The following NCOA1 variants were observed in gnomAD, a reference collection of about 807,000 sequenced individuals.
NCOA1 encodes the protein nuclear receptor coactivator 1.
A neutral mutation model predicts 150.9 loss-of-function variants in NCOA1; 35 were observed. The ratio of observed to expected loss-of-function variants is 0.23; its 90% CI spans 0.18 to 0.31. NCOA1 has a LOEUF of 0.31. NCOA1 is among the 10% of genes least tolerant of loss of function. The pLI, the probability that NCOA1 is intolerant of heterozygous loss-of-function variation, is 1.00. For synonymous variants in NCOA1, 590 were observed against 630.0 expected, an observed-to-expected ratio of 0.94 and a Z score of 0.95; for missense variants, 1,491 against 1,749.3, an observed-to-expected ratio of 0.85 and a Z score of 2.63.
chr2:24,640,914 G>T (rs1380455684), intron 3 of NCOA1, among the ~76,000 whole-genome samples: 2 of 151,942 alleles, frequency 1.3e-5, no homozygotes, highest in Non-Finnish European at 2.9e-5. Flanking sequence ...TAATTGTAAT[G>T]TTTAGTTATT....
chr2:24,505,779 T>A (rs1296118853), intron 1 of NCOA1, among the ~76,000 whole-genome samples: 1 of 152,192 alleles, frequency 6.6e-6, no homozygotes, highest in African/African-American at 2.4e-5. Context: ...GATGGCCGTG[T>A]GATGACCTGA....
chr2:24,738,810 C>T (rs1178496157), intron 17 of NCOA1, among the ~76,000 whole-genome samples: 1 of 152,152 alleles, frequency 6.6e-6, no homozygotes, highest in Non-Finnish European at 1.5e-5. Flanking sequence ...TGTTCTTTAG[C>T]ATACCAATTT....
intron 1 of NCOA1, among the ~76,000 whole-genome samples, chr2:24,498,348 C>T (rs1413866731): frequency 6.6e-6 from 1 of 152,164 alleles, no homozygotes; most frequent in South Asian, 2.1e-4. Context: ...AATATAGATC[C>T]TGTTCTTAAG....
intron 21 of NCOA1, among the ~76,000 whole-genome samples, chr2:24,759,852 C>T (rs1178262408): frequency 1.3e-5 from 2 of 151,734 alleles, no homozygotes; most frequent in Non-Finnish European, 2.9e-5. Flanking sequence ...TATTTTGTCC[C>T]TCCTGTGCTA....
rs189615993 is a variant in NCOA1, at chr2:24,533,060, G to A, written c.-395-31235G>A. Among the ~76,000 whole-genome samples, 57 of 152,180 alleles carry A rather than the reference G, an allele frequency of 3.7e-4. No individual in the cohort carries two copies. The East Asian group carries it at 7.7e-3, about 21-fold the overall frequency. Reference sequence around the variant, plus strand: ...CCTTAGGCAGTATGGCCATTTTCACGATATTGATTCTTCCTATCCATGAGC... The same window carrying A: ...CCTTAGGCAGTATGGCCATTTTCACAATATTGATTCTTCCTATCCATGAGC... On this transcript the variant is annotated intron_variant, in intron 1 of 22. Transcript: ENST00000348332.
chr2:24,622,684 T>C (rs1669222635), intron 3 of NCOA1, among the ~76,000 whole-genome samples: 2 of 152,318 alleles, frequency 1.3e-5, no homozygotes, highest in African/African-American at 2.4e-5. Context: ...AGTAATTACA[T>C]TGCCATAATT....
Position 24,606,908 on chromosome 2 carries a change from C to T in NCOA1, c.-175+22348C>T, listed in dbSNP as rs1221210159. Among the ~76,000 whole-genome samples the T allele has an allele frequency of 3.3e-5, 5 of 152,108 alleles. No homozygotes were observed. In the East Asian group the frequency reaches 7.7e-4, roughly 23 times the overall value. On this transcript the variant is annotated intron_variant, in intron 3 of 22. Transcript: ENST00000348332. ...GTCCCTTGCTAATGGGATATGTGTG[C>T]ACCTCAGAGCAATGCATAACTTCTC...
intron 17 of NCOA1, among the ~76,000 whole-genome samples, chr2:24,732,086 G>A (rs1663043450): frequency 6.6e-6 from 1 of 152,122 alleles, no homozygotes; most frequent in South Asian, 2.1e-4. Context: ...CAGACCAAGG[G>A]TCTAGGTCAG....
intron 14 of NCOA1, among the ~76,000 whole-genome samples, chr2:24,717,905 CTT>C (rs34785770): frequency 1.2e-4 from 16 of 138,010 alleles, no homozygotes; most frequent in Admixed American, 1.5e-4. Flanking sequence ...TGGTTAATAT[CTT>C]TTTTTTTTTT....
intron 8 of NCOA1, among the ~76,000 whole-genome samples, chr2:24,686,749 TC>T (rs756062950): frequency 3.9e-4 from 59 of 152,282 alleles, no homozygotes; most frequent in Non-Finnish European, 8.4e-4. Context: ...ATCGAATTAA[TC>T]TTGTGAAATC....
chr2:24,767,308 T>G (rs1273046335), intron 22 of NCOA1, among the ~76,000 whole-genome samples: 1 of 152,232 alleles, frequency 6.6e-6, no homozygotes, highest in East Asian at 1.9e-4. Flanking sequence ...TCAAAAAGTT[T>G]GAGACACTTA....
At chr2:24,518,146 G>T (rs1387731829) in intron 1 of NCOA1, among the ~76,000 whole-genome samples, 2 of 152,074 alleles carry the variant, frequency 1.3e-5, no homozygotes, top group African/African-American at 2.4e-5. Context: ...CATTATGATT[G>T]GGGTTACCTT....
At chr2:24,734,305 T>C (rs1377913381) in intron 17 of NCOA1, among the ~76,000 whole-genome samples, 1 of 152,028 alleles carries the variant, frequency 6.6e-6, no homozygotes. Context: ...TGTCTCCTAA[T>C]TGGTTGTCGC....
chr2:24,613,641 C>A (rs1399098094), intron 3 of NCOA1, among the ~76,000 whole-genome samples: 1 of 151,820 alleles, frequency 6.6e-6, no homozygotes, highest in Non-Finnish European at 1.5e-5. Flanking sequence ...ACAGAGGGCC[C>A]TGCTGTACCA....
intron 19 of NCOA1, among the ~76,000 whole-genome samples, chr2:24,745,714 A>G (rs537578196): frequency 6.6e-6 from 1 of 152,248 alleles, no homozygotes; most frequent in Admixed American, 6.5e-5. Context: ...ACAGCTGCCT[A>G]CTGGAAACAT....
intron 1 of NCOA1, among the ~76,000 whole-genome samples, chr2:24,516,011 G>A (rs956936228): frequency 6.6e-6 from 1 of 152,008 alleles, no homozygotes; most frequent in African/African-American, 2.4e-5. Context: ...TCTTACTAAG[G>A]AAGAGCCTTA....
chr2:24,711,156 T>G (rs747375739), intron 14 of NCOA1, 45 bp downstream of exon 14: 2 of 1,552,576 alleles, frequency 1.3e-6, no homozygotes, highest in South Asian at 1.2e-5. Flanking sequence ...TTAGTGATAA[T>G]GTGGATTAGC....
At chr2:24,501,230 G>A (rs1663447819) in intron 1 of NCOA1, among the ~76,000 whole-genome samples, 3 of 152,072 alleles carry the variant, frequency 2.0e-5, no homozygotes, top group Non-Finnish European at 4.4e-5. Flanking sequence ...AGTTCTTTTG[G>A]TTTTATTCAT....
At chr2:24,751,859 A>G (rs1041265581) in intron 19 of NCOA1, 123 bp from the exon 20 acceptor site, 10 of 964,954 alleles carry the variant, frequency 1.0e-5, no homozygotes, top group African/African-American at 3.3e-5. Flanking sequence ...TGCCTGACAC[A>G]AGACAAGGCA....
Sources: allele counts gnomAD v4.1 joint callset (sites outside exome capture counted in the v4.1 genomes callset), GRCh38; gene constraint gnomAD v4.1.1; transcripts MANE v1.5; gene names NCBI Gene and HGNC (gene_info 2026-07-23, HGNC 2026-07-21).